The following PHLDB1 variants were observed in gnomAD, a reference collection of about 807,000 sequenced individuals.
PHLDB1 encodes pleckstrin homology like domain family B member 1.
Under a neutral mutation model 139.3 loss-of-function variants are expected in PHLDB1, and 65 were observed. The ratio of observed to expected loss-of-function variants is 0.47; its 90% confidence interval spans 0.38 to 0.57. The LOEUF is 0.57. Ranked by LOEUF, PHLDB1 falls within the 20% of genes least tolerant of loss-of-function variation. PHLDB1 has a pLI of 0.00. For missense variants in PHLDB1, 1,624 were observed against 1,839.7 expected (o/e 0.88, Z 2.14); for synonymous variants, 679 against 734.5 (o/e 0.92, Z 1.22).
At position 118,611,832 on chromosome 11, in the gene PHLDB1, A is replaced by AATAATAATAAT. The variant is rs1555084305; in HGVS notation, c.-21-1983_-21-1982insTAATAATAATA. 1.2e-4 allele frequency among the ~76,000 whole-genome samples: 18 copies of AATAATAATAAT among 147,086 alleles called. No homozygotes were observed. In the South Asian group the frequency reaches 1.7e-3, roughly 14 times the overall value. On this transcript the variant is annotated intron_variant, in intron 1 of 22. Transcript: ENST00000600882. The surrounding 1 kb of genome is among the most constrained non-coding windows in gnomAD (Gnocchi z 4.7). ...AAACTCCGTCTCAAAAAAAAAAAAA[A>AATAATAATAAT]AATAATAATAATAATAATAAATGGC...
At chr11:118,635,823 G>A (rs1555115226) in intron 10 of PHLDB1, among the ~76,000 whole-genome samples, 1 of 152,202 alleles carries the variant, frequency 6.6e-6, no homozygotes, top group African/African-American at 2.4e-5. Flanking sequence ...TTCAGAGCTT[G>A]GCACTGGCCC....
Position 118,628,053 on chromosome 11 carries a change from A to G in PHLDB1, c.1230A>G (p.Pro410=). ...DRPPSPFREP[P]GSERVLTTSP... is the part of the protein sequence containing the mutation. The stretch of plus-strand genomic sequence containing the variant: ...CTCCCAGCCCTTTCCGTGAGCCTCC[A>G]GGCAGTGAGCGGGTGCTAACAACCA... The change falls in exon 6 of 23, where the codon CCA becomes CCG. Residue 410 remains proline, a synonymous_variant. Coordinates refer to ENST00000600882, the MANE Select transcript of PHLDB1 (RefSeq NM_001144758.3). 6.2e-7 allele frequency: 1 copy of G among 1,613,954 alleles called. No homozygotes were observed. The highest frequency in any genetic ancestry group is 8.5e-7 in the Non-Finnish European group (1 of 1,179,994).
In PHLDB1 at chr11:118,614,612, C is replaced by G. The variant is rs782188971; in HGVS notation, c.114C>G (p.Asp38Glu). ...GCAAAGGGCTGAAAGTGCAAACGGA[C>G]AAACCCCACCTGGTGAGCCTGGGCA... ...ETGKGLKVQT[D>E]KPHLVSLGSG... Residue 38 changes from aspartate (D) to glutamate (E), a missense_variant, in exon 3 of 23, where the codon GAC (aspartate) becomes GAG (glutamate). Asp to Glu is a conservative substitution (Grantham distance 45, BLOSUM62 2). Transcript: ENST00000600882. 1 of 1,614,024 alleles carries G rather than the reference C, an allele frequency of 6.2e-7. No homozygotes were observed. The highest frequency in any genetic ancestry group is 8.5e-7 in the Non-Finnish European group (1 of 1,179,948).
rs367868843 is a variant in PHLDB1 at position 118,628,347 on chromosome 11, G to A, written c.1524G>A (p.Thr508=). 1.0e-4 allele frequency: 164 copies of A among 1,612,092 alleles called. No homozygotes were observed. The African/African-American group carries it at 1.5e-3, about 15-fold the overall frequency. Residue 508 remains threonine, a synonymous_variant, in exon 6 of 23, where the codon ACG becomes ACA. Coordinates refer to ENST00000600882, the MANE Select transcript of PHLDB1 (RefSeq NM_001144758.3). ...CTTCACCAGAGGACTTCTCCCTGAC[G>A]CTGGGGGCACGGGGCCGTAGGACAC... The part of the protein sequence containing the change: ...HGASPEDFSL[T]LGARGRRTRS...
chr11:118,641,754 C>G (rs1242829838), intron 12 of PHLDB1: 3 of 1,289,878 alleles, frequency 2.3e-6, no homozygotes, highest in African/African-American at 1.5e-5. Context: ...TGCCCTCCTC[C>G]TCGTTCGCTT....
Position 118,631,443 on chromosome 11 carries a change from G to A in PHLDB1, c.2064G>A (p.Lys688=), listed in dbSNP as rs1309399354. The A allele has an allele frequency of 1.4e-6, 2 of 1,440,188 alleles. No homozygotes were observed. Among genetic ancestry groups the A allele is most frequent in the Non-Finnish European group, 1.8e-6 (2 of 1,097,598 alleles). 89.2% of individuals were successfully genotyped at this position (1,440,188 alleles called of 1,614,324 possible). ...AGCGCTCAGATGAGGAAAATCTCAA[G>A]GAGGAGTGCAGCAGCACTGAGAGCA... ...SMERSDEENL[K]EECSSTESTQ... is the part of the protein sequence containing the mutation. Residue 688 remains lysine (K), a synonymous_variant, in exon 7 of 23, where the codon AAG becomes AAA. Transcript: ENST00000600882.
At position 118,611,638 on chromosome 11, in the gene PHLDB1, C is replaced by T. The variant is rs1364185131; in HGVS notation, c.-21-2178C>T. On this transcript the variant is annotated intron_variant, in intron 1 of 22. Coordinates refer to ENST00000600882, the MANE Select transcript of PHLDB1 (RefSeq NM_001144758.3). This position sits in a 1 kb window ranked among gnomAD's most constrained non-coding sequence, Gnocchi z 4.7. ...CGGGAGGTCGAGGCGGGCGGATCAC[C>T]TGAGGTCGGGAGTTCGAGACCAGCC... Among the ~76,000 whole-genome samples the T allele has an allele frequency of 1.3e-5, 2 of 151,992 alleles. No individual in the cohort carries two copies. Among genetic ancestry groups the T allele is most frequent in the East Asian group, 1.9e-4 (1 of 5,196 alleles).
chr11:118,642,183 C>G (rs564358362), intron 12 of PHLDB1, 71 bp from the exon 13 acceptor site: 1 of 1,415,864 alleles, frequency 7.1e-7, no homozygotes, highest in African/African-American at 1.4e-5. Flanking sequence ...TTTCCTTTCC[C>G]TTTATTTCCT....
chr11:118,657,120 T>G lies in PHLDB1; in HGVS notation c.*297T>G. 1 of 245,270 alleles carries G rather than the reference T, an allele frequency of 4.1e-6. No homozygotes were observed. Among genetic ancestry groups the G allele is most frequent in the East Asian group, 7.8e-5 (1 of 12,802 alleles). The allele number at this position is 245,270 out of a possible 1,614,324, so 15.2% of individuals were successfully genotyped here. A position where few individuals can be genotyped will look rare whatever the true frequency, so the allele number is the denominator to read the frequency against. ...CTCTTTTCTAAAAGACAAATTATGG[T>G]ACCATAAGCTGCCAAAGATCCCCTC... On this transcript the variant is annotated 3_prime_UTR_variant, in exon 23 of 23. Transcript: ENST00000600882.
chr11:118,613,807 T>C lies in PHLDB1; in HGVS notation c.-21-9T>C. 6.3e-7 allele frequency: 1 copy of C among 1,594,338 alleles called. No individual in the cohort carries two copies. Among genetic ancestry groups the C allele is most frequent in the Non-Finnish European group, 8.6e-7 (1 of 1,163,028 alleles). Reference sequence around the variant, plus strand: ...CTCCCCACTCACCACCTTTCTGCTGTGTCCCTAGGAGCTCTGGAGCCTTAG... The same window carrying C: ...CTCCCCACTCACCACCTTTCTGCTGCGTCCCTAGGAGCTCTGGAGCCTTAG... On this transcript the variant is annotated splice_polypyrimidine_tract_variant and intron_variant, in intron 1 of 22. Coordinates refer to ENST00000600882, the MANE Select transcript of PHLDB1 (RefSeq NM_001144758.3).
chr11:118,639,243 C>T lies in PHLDB1; in HGVS notation c.2728C>T (p.Leu910Phe). 1 of 1,612,904 alleles carries T rather than the reference C, an allele frequency of 6.2e-7. No homozygotes were observed. The highest frequency in any genetic ancestry group is 8.5e-7 in the Non-Finnish European group (1 of 1,178,846). ...GCCTTTCCCGAAGACCACATCGACC[C>T]TCAAAGAGGTATCATGATTGGATTA... ...GRPFPKTTST[L>F]KEMEKLLLPA... is the part of the protein sequence containing the mutation. The change falls in exon 12 of 23, where the codon CTC becomes TTC. Residue 910 changes from leucine (L) to phenylalanine (F), a missense_variant. Leu to Phe is a conservative substitution (Grantham distance 22). Transcript: ENST00000600882.
At chr11:118,637,789 T>A (rs1945884737) in intron 10 of PHLDB1, 1 of 152,202 alleles carries the variant, frequency 6.6e-6, no homozygotes, top group Non-Finnish European at 1.5e-5. Context: ...ACCCAGCCCA[T>A]TTTTCCCATC....
At position 118,635,496 on chromosome 11, in the gene PHLDB1, A is replaced by G. The variant is rs1945494461; in HGVS notation, c.2483A>G (p.Gln828Arg). Residue 828 changes from glutamine (Q) to arginine (R), a missense_variant, in exon 10 of 23, where the codon CAG (glutamine) becomes CGG (arginine). Coordinates refer to ENST00000600882, the MANE Select transcript of PHLDB1 (RefSeq NM_001144758.3). The stretch of plus-strand genomic sequence containing the variant: ...GAGGAGGAGCGCGAGCTGGCCGGCC[A>G]GGGGCTGCTCCGGAGCAAGGCTGAG... Reference protein sequence around the residue: ...RVEEERELAGQGLLRSKAELL... With the variant: ...RVEEERELAGRGLLRSKAELL... The G allele has an allele frequency of 3.7e-6, 6 of 1,610,072 alleles. No individual in the cohort carries two copies. Among genetic ancestry groups the G allele is most frequent in the Non-Finnish European group, 5.1e-6 (6 of 1,178,446 alleles).
At chr11:118,644,571 C>T in intron 15 of PHLDB1, 1 of 971,648 alleles carries the variant, frequency 1.0e-6, no homozygotes, top group Non-Finnish European at 1.4e-6. Context: ...TTTTGAAAGC[C>T]CATGTCTGTG....
intron 12 of PHLDB1, chr11:118,640,949 C>T (rs1946410012): frequency 6.6e-6 from 1 of 152,380 alleles, no homozygotes; most frequent in Admixed American, 6.5e-5. Flanking sequence ...TGGTCTCTGT[C>T]ACTCCCTGCA....
intron 3 of PHLDB1, chr11:118,614,895 G>C: frequency 1.9e-6 from 1 of 527,280 alleles, no homozygotes; most frequent in Non-Finnish European, 3.4e-6. Context: ...TTAAAGATCA[G>C]CTTAGAAACA....
chr11:118,651,823 GT>G (rs1555137431), intron 20 of PHLDB1: 1 of 151,560 alleles, frequency 6.6e-6, no homozygotes, highest in Admixed American at 6.6e-5. Flanking sequence ...TGGCTTACAA[GT>G]ACTAGGCTTC....
chr11:118,655,906 C>T lies in PHLDB1; in HGVS notation c.3993+14C>T. Reference sequence around the variant, plus strand: ...ATGGTGACTGAGGTACCCCTCCCCACTTAGCTGTAACCAGCACATTAACAC... The same window carrying T: ...ATGGTGACTGAGGTACCCCTCCCCATTTAGCTGTAACCAGCACATTAACAC... On this transcript the variant is annotated intron_variant, in intron 22 of 22. Transcript: ENST00000600882. 6.2e-7 allele frequency: 1 copy of T among 1,602,822 alleles called. No homozygotes were observed. Among genetic ancestry groups the T allele is most frequent in the Non-Finnish European group, 8.5e-7 (1 of 1,169,714 alleles).
At chr11:118,618,404 C>T (rs144543113) in intron 4 of PHLDB1, among the ~76,000 whole-genome samples, 3 of 152,172 alleles carry the variant, frequency 2.0e-5, no homozygotes, top group African/African-American at 4.8e-5. Flanking sequence ...GGCCCCACTC[C>T]GGACATTCTT....
Sources: allele counts gnomAD v4.1 joint callset (sites outside exome capture counted in the v4.1 genomes callset), GRCh38; gene constraint gnomAD v4.1.1; non-coding constraint Gnocchi (gnomAD v3.1); transcripts MANE v1.5; gene names NCBI Gene and HGNC (gene_info 2026-07-23, HGNC 2026-07-21).